Variants in MACROD2 observed in about 807,000 individuals in gnomAD.
MACROD2 encodes the protein ADP-ribose glycohydrolase MACROD2.
A neutral mutation model predicts 70.4 loss-of-function variants in MACROD2; 36 were observed. The observed-to-expected ratio is 0.51, with a 90% CI of 0.39 to 0.68. MACROD2 has a LOEUF of 0.68. MACROD2 is among the 30% of genes least tolerant of loss of function. The probability of loss-of-function intolerance (pLI) is 0.00; values close to 1 mark genes in which losing one functional copy is unlikely to be tolerated. For missense variants in MACROD2, 496 were observed against 538.4 expected (o/e 0.92, Z 0.78); for synonymous variants, 172 against 178.8 (o/e 0.96, Z 0.30).
intron 5 of MACROD2, among the ~76,000 whole-genome samples, chr20:14,914,875 G>A (rs1230023154): frequency 6.6e-6 from 1 of 152,126 alleles, no homozygotes; most frequent in East Asian, 1.9e-4. Flanking sequence ...GAAGAAAACA[G>A]GGAAGATAAT....
intron 6 of MACROD2, among the ~76,000 whole-genome samples, chr20:15,427,849 CA>C (rs1416380232): frequency 6.6e-6 from 1 of 152,118 alleles, no homozygotes; most frequent in African/African-American, 2.4e-5. Flanking sequence ...CAGTGATTCT[CA>C]ACAAGGGGTG....
At chr20:14,883,225 T>G (rs766934032) in intron 5 of MACROD2, among the ~76,000 whole-genome samples, 1 of 152,192 alleles carries the variant, frequency 6.6e-6, no homozygotes, top group Non-Finnish European at 1.5e-5. Context: ...ATTAATAGCC[T>G]GAATGGGTGA....
At chr20:15,379,532 G>A (rs2045612358) in intron 6 of MACROD2, among the ~76,000 whole-genome samples, 1 of 151,728 alleles carries the variant, frequency 6.6e-6, no homozygotes, top group Admixed American at 6.6e-5. Flanking sequence ...AGCAAATGAT[G>A]TGATACGATC....
At chr20:14,214,606 G>GT (rs11483760) in intron 3 of MACROD2, among the ~76,000 whole-genome samples, 137,299 of 139,568 alleles carry the variant, frequency 0.98, 67,540 homozygotes, top group Middle Eastern at 1. Context: ...TTTTTTTAAG[G>GT]TTTTTTTTTT....
intron 5 of MACROD2, among the ~76,000 whole-genome samples, chr20:14,692,764 A>G (rs968025374): frequency 1.3e-5 from 2 of 152,204 alleles, no homozygotes; most frequent in African/African-American, 2.4e-5. Flanking sequence ...ATAAGAAAGC[A>G]CAGGGGCCAA....
chr20:15,905,917 A>G (rs960894371), intron 10 of MACROD2, among the ~76,000 whole-genome samples: 4 of 152,206 alleles, frequency 2.6e-5, no homozygotes, highest in South Asian at 4.1e-4. Flanking sequence ...ATCTCCAGGG[A>G]TCACCATGCC....
intron 3 of MACROD2, among the ~76,000 whole-genome samples, chr20:14,176,003 A>G (rs1292395472): frequency 6.6e-6 from 1 of 152,230 alleles, no homozygotes; most frequent in East Asian, 1.9e-4. Context: ...AAATATAAAT[A>G]TAGTTCAGCA....
chr20:14,592,947 T>C (rs1981875329), intron 4 of MACROD2, among the ~76,000 whole-genome samples: 1 of 152,192 alleles, frequency 6.6e-6, no homozygotes, highest in Non-Finnish European at 1.5e-5. Flanking sequence ...TGGATGATTG[T>C]TACAATCAGT....
At chr20:14,596,522 C>T (rs555855517) in intron 4 of MACROD2, among the ~76,000 whole-genome samples, 1 of 151,318 alleles carries the variant, frequency 6.6e-6, no homozygotes, top group South Asian at 2.1e-4. Flanking sequence ...CTGTCAATTA[C>T]TCATAAAATT....
intron 3 of MACROD2, among the ~76,000 whole-genome samples, chr20:14,236,849 C>CA (rs933394244): frequency 1.9e-4 from 29 of 151,918 alleles, no homozygotes; most frequent in African/African-American, 7.0e-4. Flanking sequence ...TATTTCCAAT[C>CA]AAAATGTCAG....
At chr20:15,946,407 A>G (rs536213659) in intron 12 of MACROD2, among the ~76,000 whole-genome samples, 1 of 152,270 alleles carries the variant, frequency 6.6e-6, no homozygotes, top group South Asian at 2.1e-4. Context: ...ACATTGACAG[A>G]AATTATAACA....
chr20:15,820,500 C>T (rs187416649), intron 8 of MACROD2, among the ~76,000 whole-genome samples: 23 of 152,238 alleles, frequency 1.5e-4, no homozygotes, highest in African/African-American at 5.3e-4. Context: ...GCCCTTCTGC[C>T]AGTTTTTAGT....
intron 6 of MACROD2, among the ~76,000 whole-genome samples, chr20:15,376,381 A>C (rs1284653439): frequency 2.6e-5 from 4 of 152,198 alleles, no homozygotes; most frequent in Non-Finnish European, 5.9e-5. Flanking sequence ...GAGATGGGGA[A>C]GAAGGACAGA....
chr20:15,096,334 G>A (rs996202328), intron 5 of MACROD2, among the ~76,000 whole-genome samples: 2 of 151,818 alleles, frequency 1.3e-5, no homozygotes, highest in African/African-American at 4.8e-5. Flanking sequence ...TTTCCGAATG[G>A]GCTTTGGTGC....
chr20:15,760,253 G>A (rs998296361), intron 8 of MACROD2, among the ~76,000 whole-genome samples: 6 of 152,212 alleles, frequency 3.9e-5, no homozygotes, highest in African/African-American at 1.4e-4. Context: ...AGGCTTGACA[G>A]CAGCTGCCAA....
Position 14,348,392 on chromosome 20 carries a change from A to G in MACROD2, c.272-145087A>G, listed in dbSNP as rs147746527. 3.3e-3 allele frequency among the ~76,000 whole-genome samples: 498 copies of G among 152,294 alleles called. 1 individual carries two copies. The highest frequency in any genetic ancestry group is 0.011 in the African/African-American group (455 of 41,582). On this transcript the variant is annotated intron_variant, in intron 3 of 17. Transcript: ENST00000684519. ...CATGGTAATTTGTATCAGAATGTAC[A>G]TGAAAGAAAATATCAAGAAGGAAGG...
intron 5 of MACROD2, among the ~76,000 whole-genome samples, chr20:15,138,303 A>G (rs2076165961): frequency 6.6e-6 from 1 of 152,172 alleles, no homozygotes; most frequent in Non-Finnish European, 1.5e-5. Flanking sequence ...GAGAAAGGCA[A>G]TATTCCACAA....
chr20:14,829,381 C>T (rs946343235), intron 5 of MACROD2, among the ~76,000 whole-genome samples: 3 of 151,812 alleles, frequency 2.0e-5, no homozygotes, highest in Non-Finnish European at 4.4e-5. Flanking sequence ...CCACCCGCCT[C>T]GGCCTCCCAA....
intron 8 of MACROD2, among the ~76,000 whole-genome samples, chr20:15,590,074 A>G (rs1311716203): frequency 6.6e-6 from 1 of 152,232 alleles, no homozygotes; most frequent in African/African-American, 2.4e-5. Context: ...AGCCTTAAAT[A>G]CATAAAAATA....
Sources: gnomAD v4.1 joint callset for allele counts (sites outside exome capture counted in the v4.1 genomes callset) on GRCh38, gnomAD v4.1.1 for gene constraint, MANE v1.5 for transcripts, NCBI Gene and HGNC (gene_info 2026-07-23, HGNC 2026-07-21) for gene names.